Variants in MRPL3 observed in about 807,000 individuals in gnomAD.
The protein encoded by MRPL3 is large ribosomal subunit protein uL3m.
Under a neutral mutation model 44.3 loss-of-function variants are expected in MRPL3, and 43 were observed. The observed-to-expected ratio is 0.97, with a 90% CI of 0.76 to 1.25. MRPL3 has a LOEUF of 1.25. MRPL3 is among the 50% of genes most tolerant of loss of function. The pLI is 0.00. For missense variants in MRPL3, 406 were observed against 427.6 expected, an observed-to-expected ratio of 0.95 and a Z score of 0.45; for synonymous variants, 171 against 152.3, an observed-to-expected ratio of 1.12 and a Z score of -0.91.
intron 4 of MRPL3, among the ~76,000 whole-genome samples, chr3:131,494,425 A>C (rs1934323687): frequency 6.6e-6 from 1 of 152,226 alleles, no homozygotes; most frequent in South Asian, 2.1e-4. Flanking sequence ...GATGTATAAA[A>C]TTCAGATTTA....
intron 4 of MRPL3, among the ~76,000 whole-genome samples, chr3:131,495,347 T>C (rs1254485645): frequency 1.3e-5 from 2 of 152,186 alleles, no homozygotes; most frequent in East Asian, 3.8e-4. Context: ...ATTTTCACAT[T>C]TCATTTTGAA....
intron 6 of MRPL3, among the ~76,000 whole-genome samples, chr3:131,486,359 C>G (rs1166441480): frequency 4.9e-4 from 37 of 74,802 alleles, no homozygotes; most frequent in South Asian, 3.7e-3. Flanking sequence ...AGAGCTTCTG[C>G]ACGGCAAAAA....
At chr3:131,495,640 A>G (rs1434929445) in intron 4 of MRPL3, among the ~76,000 whole-genome samples, 1 of 152,204 alleles carries the variant, frequency 6.6e-6, no homozygotes, top group East Asian at 1.9e-4. Flanking sequence ...ATGTGTGAAC[A>G]GCCTCGACTA....
At chr3:131,472,916 G>A (rs965862343) in intron 6 of MRPL3, among the ~76,000 whole-genome samples, 2 of 152,164 alleles carry the variant, frequency 1.3e-5, no homozygotes, top group Admixed American at 6.5e-5. Flanking sequence ...AGAAACTGCA[G>A]AGGATGTGGG....
intron 4 of MRPL3, among the ~76,000 whole-genome samples, chr3:131,496,450 GAAAC>G (rs1237815022): frequency 6.6e-6 from 1 of 152,140 alleles, no homozygotes; most frequent in African/African-American, 2.4e-5. Context: ...TCTCTAACAC[GAAAC>G]AAAATAAACC....
At position 131,472,713 on chromosome 3, in the gene MRPL3, C is replaced by T. The variant is rs1293787296; in HGVS notation, c.630-1434G>A. Reference sequence around the variant, plus strand: ...CACCAAAAAAGTGTTAGAATAAATTCAGTAAAGTTGCAGGATATAAAATTA... The same window carrying T: ...CACCAAAAAAGTGTTAGAATAAATTTAGTAAAGTTGCAGGATATAAAATTA... On this transcript the variant is annotated intron_variant, in intron 6 of 9. Coordinates refer to ENST00000264995, the MANE Select transcript of MRPL3 (RefSeq NM_007208.4). Among the ~76,000 whole-genome samples, 31 of 151,820 alleles carry T rather than the reference C, an allele frequency of 2.0e-4. 1 individual carries two copies. Among genetic ancestry groups the T allele is most frequent in the Admixed American group, 2.0e-3 (31 of 15,204 alleles).
rs150601793 is a variant in MRPL3 at position 131,498,473 on chromosome 3, C to T, written c.370-196G>A. Among the ~76,000 whole-genome samples the T allele has an allele frequency of 1.9e-3, 284 of 151,458 alleles. 1 individual carries two copies. The highest frequency in any genetic ancestry group is 5.3e-3 in the African/African-American group (217 of 41,328). ...AAATACACACTTTGGGAGGCCGAGG[C>T]GGGCAGCTCATGAAGTCAGGAGATC... On this transcript the variant is annotated intron_variant, in intron 3 of 9. Transcript: ENST00000264995.
At chr3:131,502,052 T>G in intron 1 of MRPL3, 1 of 677,876 alleles carries the variant, frequency 1.5e-6, no homozygotes, top group Non-Finnish European at 2.5e-6. Flanking sequence ...TCAGTGGAGG[T>G]GGCAGAAGGT....
At chr3:131,478,095 T>C (rs575836352) in intron 6 of MRPL3, among the ~76,000 whole-genome samples, 5 of 152,342 alleles carry the variant, frequency 3.3e-5, no homozygotes, top group African/African-American at 1.2e-4. Context: ...AGAGCTGTAA[T>C]GGCAGAATAA....
chr3:131,488,885 A>G (rs1934187143), intron 5 of MRPL3: 1 of 152,128 alleles, frequency 6.6e-6, no homozygotes, highest in South Asian at 2.1e-4. Flanking sequence ...ATAAATGTAT[A>G]TAATTTTGAT....
chr3:131,465,713 T>C (rs896718941), intron 9 of MRPL3, among the ~76,000 whole-genome samples: 3 of 152,126 alleles, frequency 2.0e-5, no homozygotes, highest in Non-Finnish European at 4.4e-5. Context: ...TTCACATGAA[T>C]TATGAAGACA....
At chr3:131,496,653 A>G (rs933179758) in intron 4 of MRPL3, among the ~76,000 whole-genome samples, 1 of 152,018 alleles carries the variant, frequency 6.6e-6, no homozygotes, top group South Asian at 2.1e-4. Context: ...GTCCTTTCCA[A>G]TCCCTGCCCC....
intron 4 of MRPL3, among the ~76,000 whole-genome samples, chr3:131,497,072 C>A (rs1045000806): frequency 6.6e-6 from 1 of 152,204 alleles, no homozygotes; most frequent in African/African-American, 2.4e-5. Context: ...GGGATTTTCC[C>A]TGGCAGAATT....
At position 131,481,058 on chromosome 3, in the gene MRPL3, A is replaced by G. The variant is rs116124475; in HGVS notation, c.629+6622T>C. Among the ~76,000 whole-genome samples the G allele has an allele frequency of 5.3e-3, 810 of 152,370 alleles. 4 individuals carry two copies. The highest frequency in any genetic ancestry group is 0.018 in the African/African-American group (763 of 41,586). On this transcript the variant is annotated intron_variant, in intron 6 of 9. Transcript: ENST00000264995. ...CATAGTGCCTCTCAAGAAACAGATT[A>G]GAAGAAAAATATTAAAATATTCCAG...
At chr3:131,489,836 A>AC in intron 5 of MRPL3, 145 bp downstream of exon 5, 1 of 533,888 alleles carries the variant, frequency 1.9e-6, no homozygotes, top group Non-Finnish European at 3.3e-6. Flanking sequence ...AAAAAAAAAA[A>AC]AAACAAAATG....
chr3:131,490,058 A>G lies in MRPL3; in HGVS notation c.491T>C (p.Phe164Ser). The change falls in exon 5 of 10, where the codon TTT becomes TCT. Residue 164 changes from phenylalanine (F) to serine (S), a missense_variant. Coordinates refer to ENST00000264995, the MANE Select transcript of MRPL3 (RefSeq NM_007208.4). ...RFRKATSILE[F>S]YRELGLPPKQ... ...CGGCGGCAATCCAAGTTCCCGGTAA[A>G]ATTCCAATATGGATGTAGCTTTCTA... The G allele has an allele frequency of 6.2e-7, 1 of 1,609,744 alleles. No individual in the cohort carries two copies. Among genetic ancestry groups the G allele is most frequent in the Non-Finnish European group, 8.5e-7 (1 of 1,176,324 alleles).
rs1282553031 is a variant in MRPL3, at chr3:131,490,077, C to T, written c.472G>A (p.Ala158Thr). ...GGKTVSRFRK[A>T]TSILEFYREL... ...CGGTAAAATTCCAATATGGATGTAG[C>T]TTTCTAGAGGAAAAGCAGCACATAT... Residue 158 changes from alanine to threonine, a missense_variant, in exon 5 of 10, where the codon GCT becomes ACT. By Grantham distance (58) the Ala-to-Thr change is moderately conservative. Coordinates refer to ENST00000264995, the MANE Select transcript of MRPL3 (RefSeq NM_007208.4). 5 of 1,600,146 alleles carry T rather than the reference C, an allele frequency of 3.1e-6. No homozygotes were observed. In the East Asian group the frequency reaches 6.7e-5, roughly 21 times the overall value.
chr3:131,486,104 G>A (rs777388156), intron 6 of MRPL3, among the ~76,000 whole-genome samples: 18 of 152,026 alleles, frequency 1.2e-4, no homozygotes, highest in Non-Finnish European at 2.4e-4. Context: ...TTAATAAATG[G>A]TGCTGGGAAA....
At chr3:131,473,274 T>C (rs1933780992) in intron 6 of MRPL3, among the ~76,000 whole-genome samples, 1 of 152,098 alleles carries the variant, frequency 6.6e-6, no homozygotes. Context: ...GGGCAATTGA[T>C]TTTTGACAAA....
Sources: allele counts gnomAD v4.1 joint callset (sites outside exome capture counted in the v4.1 genomes callset), GRCh38; gene constraint gnomAD v4.1.1; transcripts MANE v1.5; gene names NCBI Gene and HGNC (gene_info 2026-07-23, HGNC 2026-07-21).